TRIM33: variants seen among roughly 807,000 people sequenced by gnomAD.
The protein encoded by TRIM33 is E3 ubiquitin-protein ligase TRIM33.
Under a neutral mutation model 125.4 loss-of-function variants are expected in TRIM33, and 20 were observed. That is an observed-to-expected ratio of 0.16 (90% CI 0.11 to 0.23). The LOEUF (loss-of-function observed/expected upper bound fraction) is 0.23, where lower values mean the gene tolerates loss of function less well. Among genes scored for constraint, TRIM33 ranks in the 10% least tolerant of loss-of-function variants. The pLI is 1.00. For synonymous variants in TRIM33, 564 were observed against 513.9 expected (o/e 1.10, Z -1.32); for missense variants, 920 against 1,411.4 (o/e 0.65, Z 5.58).
chr1:114,419,705 TAA>T (rs1160166146), intron 11 of TRIM33, among the ~76,000 whole-genome samples: 3 of 152,200 alleles, frequency 2.0e-5, no homozygotes, highest in Non-Finnish European at 4.4e-5. Context: ...ACAATTTTGT[TAA>T]CAGTGCATTG....
chr1:114,493,109 G>T (rs919209023), intron 1 of TRIM33, among the ~76,000 whole-genome samples: 1 of 152,116 alleles, frequency 6.6e-6, no homozygotes, highest in Admixed American at 6.5e-5. Flanking sequence ...GTGTGAAGTG[G>T]TATCTCCTTG....
intron 1 of TRIM33, chr1:114,469,149 G>T: frequency 5.3e-6 from 1 of 189,922 alleles, no homozygotes; most frequent in Non-Finnish European, 1.1e-5. Context: ...CTGATCACTG[G>T]ACACACACCT....
chr1:114,468,733 T>G, intron 1 of TRIM33: 2 of 416,544 alleles, frequency 4.8e-6, no homozygotes, highest in South Asian at 3.7e-5. Context: ...GATGAAATAC[T>G]AGAGAAAGAC....
In TRIM33 at chr1:114,432,194, T is replaced by C. The variant is rs150278416; in HGVS notation, c.1041-1282A>G. ...ACAGGTAAACCTCTTGCCCTACTTTTGTATACAGATTCTGGAACACGTGTA... is the reference window on the plus strand; with the variant it reads ...ACAGGTAAACCTCTTGCCCTACTTTCGTATACAGATTCTGGAACACGTGTA... On this transcript the variant is annotated intron_variant, in intron 5 of 19. Transcript: ENST00000358465. Among the ~76,000 whole-genome samples, 107 of 152,310 alleles carry C rather than the reference T, an allele frequency of 7.0e-4. 1 individual carries two copies. Among genetic ancestry groups the C allele is most frequent in the African/African-American group, 2.5e-3 (103 of 41,566 alleles).
At chr1:114,504,953 C>T (rs143463927) in intron 1 of TRIM33, among the ~76,000 whole-genome samples, 5 of 152,222 alleles carry the variant, frequency 3.3e-5, no homozygotes, top group Admixed American at 6.5e-5. Flanking sequence ...ACAAAGACAA[C>T]GGGGGGACAA....
intron 1 of TRIM33, among the ~76,000 whole-genome samples, chr1:114,498,363 G>C (rs1362723900): frequency 6.6e-6 from 1 of 152,016 alleles, no homozygotes; most frequent in East Asian, 1.9e-4. Context: ...AATGTACCAT[G>C]TAGGCCAGGT....
At chr1:114,447,866 G>A (rs1649082871) in intron 4 of TRIM33, among the ~76,000 whole-genome samples, 1 of 152,196 alleles carries the variant, frequency 6.6e-6, no homozygotes, top group African/African-American at 2.4e-5. Flanking sequence ...ATTTAGTCAT[G>A]TAGTGGTTAT....
intron 4 of TRIM33, among the ~76,000 whole-genome samples, chr1:114,437,232 C>T (rs751111890): frequency 3.3e-5 from 5 of 152,132 alleles, no homozygotes; most frequent in Non-Finnish European, 4.4e-5. Flanking sequence ...AAAATTACAG[C>T]TGAAATGTGG....
intron 1 of TRIM33, among the ~76,000 whole-genome samples, chr1:114,508,483 C>T (rs1054329759): frequency 1.3e-5 from 2 of 152,164 alleles, no homozygotes; most frequent in African/African-American, 4.8e-5. Context: ...CTCTGAACAC[C>T]TACTAACAAT....
intron 4 of TRIM33, among the ~76,000 whole-genome samples, chr1:114,448,862 T>A (rs1027123118): frequency 7.2e-5 from 11 of 152,108 alleles, no homozygotes; most frequent in African/African-American, 2.7e-4. Context: ...TTACAAATGA[T>A]AAGATCTAGT....
At chr1:114,427,446 A>G (rs1158853959) in intron 7 of TRIM33, 152 bp from the exon 8 acceptor site, 2 of 581,604 alleles carry the variant, frequency 3.4e-6, no homozygotes, top group Admixed American at 3.2e-5. Flanking sequence ...ATCAAATCAA[A>G]TATACATACT....
intron 10 of TRIM33, among the ~76,000 whole-genome samples, chr1:114,423,266 T>A (rs188724069): frequency 1.5e-3 from 231 of 152,158 alleles, no homozygotes; most frequent in Non-Finnish European, 2.4e-3. Context: ...TATAAAAAAA[T>A]TTTTTTCCTG....
intron 15 of TRIM33, among the ~76,000 whole-genome samples, chr1:114,403,499 G>T (rs1652037044): frequency 1.3e-5 from 2 of 151,804 alleles, no homozygotes; most frequent in Admixed American, 6.6e-5. Context: ...GCCTCCCTAG[G>T]AGCTGGGATT....
At chr1:114,433,817 C>G in intron 4 of TRIM33, 84 bp from the exon 5 acceptor site, 1 of 821,728 alleles carries the variant, frequency 1.2e-6, no homozygotes, top group Non-Finnish European at 2.0e-6. Context: ...ATGAGTCAAT[C>G]TTGAAACCTT....
intron 6 of TRIM33, among the ~76,000 whole-genome samples, chr1:114,430,019 T>C (rs1647841447): frequency 6.6e-6 from 1 of 152,070 alleles, no homozygotes. Context: ...CACAAAATTT[T>C]CACTAAGTTT....
chr1:114,393,417 C>T lies in TRIM33; in HGVS notation c.*4231G>A, dbSNP rs1327007040. On this transcript the variant is annotated 3_prime_UTR_variant, in exon 20 of 20. Coordinates refer to ENST00000358465, the MANE Select transcript of TRIM33 (RefSeq NM_015906.4). ...TGGCACTTACAAAATCATTTTGGTG[C>T]CTTCCCACACATAAATTTGGTGAAT... 9.9e-6 allele frequency: 2 copies of T among 201,932 alleles called. No homozygotes were observed. The highest frequency in any genetic ancestry group is 1.5e-4 in the East Asian group (2 of 13,154). 12.5% of individuals were successfully genotyped at this position (201,932 alleles called of 1,614,324 possible).
At chr1:114,448,006 A>G (rs764618095) in intron 4 of TRIM33, among the ~76,000 whole-genome samples, 1 of 152,256 alleles carries the variant, frequency 6.6e-6, no homozygotes, top group Non-Finnish European at 1.5e-5. Context: ...TTTCAGGGAC[A>G]GCTCTGATGG....
At position 114,393,330 on chromosome 1, in the gene TRIM33, G is replaced by A. The variant is rs759868040; in HGVS notation, c.*4318C>T. The A allele has an allele frequency of 6.0e-5, 12 of 199,342 alleles. No homozygotes were observed. The highest frequency in any genetic ancestry group is 9.3e-5 in the Non-Finnish European group (9 of 96,602). 12.3% of individuals were successfully genotyped at this position (199,342 alleles called of 1,614,324 possible). On this transcript the variant is annotated 3_prime_UTR_variant, in exon 20 of 20. Transcript: ENST00000358465. ...ATGCCTACATTTTTCAGAACAAGGAGCAGACATGCATTCCATCCTTAAGAT... is the reference window on the plus strand; with the variant it reads ...ATGCCTACATTTTTCAGAACAAGGAACAGACATGCATTCCATCCTTAAGAT...
intron 10 of TRIM33, among the ~76,000 whole-genome samples, chr1:114,423,151 C>T (rs906857842): frequency 5.3e-5 from 8 of 152,002 alleles, no homozygotes; most frequent in African/African-American, 1.9e-4. Context: ...GTAAACACAC[C>T]CATTTTGTTT....
Sources: allele counts gnomAD v4.1 joint callset (sites outside exome capture counted in the v4.1 genomes callset), GRCh38; gene constraint gnomAD v4.1.1; transcripts MANE v1.5; gene names NCBI Gene and HGNC (gene_info 2026-07-23, HGNC 2026-07-21).